The following CACNB3 variants were observed in gnomAD, a reference collection of about 807,000 sequenced individuals.
The protein encoded by CACNB3 is voltage-dependent L-type calcium channel subunit beta-3.
CACNB3 carries 36 observed loss-of-function variants against 63.7 expected under a neutral mutation model. The ratio of observed to expected loss-of-function variants is 0.57; its 90% confidence interval spans 0.43 to 0.75. The LOEUF is 0.75. Among genes scored for constraint, CACNB3 ranks in the 30% least tolerant of loss-of-function variants. The probability of loss-of-function intolerance (pLI) is 0.00; values close to 1 mark genes in which losing one functional copy is unlikely to be tolerated. For synonymous variants in CACNB3, 241 were observed against 250.6 expected (o/e 0.96, Z 0.36); for missense variants, 493 against 648.6 (o/e 0.76, Z 2.61).
intron 5 of CACNB3, 81 bp downstream of exon 5, chr12:48,824,814 T>C (rs532156232): frequency 6.5e-7 from 1 of 1,541,872 alleles, no homozygotes; most frequent in East Asian, 2.3e-5. Context: ...CCAAGTGAAC[T>C]GTGTGGGAAG....
chr12:48,823,870 G>A lies in CACNB3; in HGVS notation c.291+67G>A. The A allele has an allele frequency of 1.3e-6, 2 of 1,599,620 alleles. No homozygotes were observed. The highest frequency in any genetic ancestry group is 3.4e-5 in the Admixed American group (2 of 58,918). On this transcript the variant is annotated intron_variant, in intron 3 of 12. Coordinates refer to ENST00000301050, the MANE Select transcript of CACNB3 (RefSeq NM_000725.4). This position sits in a 1 kb window ranked among gnomAD's most constrained non-coding sequence, Gnocchi z 4.2. ...TCTTGCTCTTGCTCCAGATCCTAATGCTTCTGACTTGAATCCTCAGTCTAA... is the reference window on the plus strand; with the variant it reads ...TCTTGCTCTTGCTCCAGATCCTAATACTTCTGACTTGAATCCTCAGTCTAA...
At chr12:48,824,994 G>C in intron 6 of CACNB3, 26 bp downstream of exon 6, 1 of 1,605,180 alleles carries the variant, frequency 6.2e-7, no homozygotes, top group Non-Finnish European at 8.5e-7. Context: ...GACCTGGGCT[G>C]GGGGGATCAT....
At chr12:48,827,290 G>T (rs988432518) in intron 12 of CACNB3, among the ~76,000 whole-genome samples, 167 bp downstream of exon 12, 1 of 152,232 alleles carries the variant, frequency 6.6e-6, no homozygotes, top group Non-Finnish European at 1.5e-5. Context: ...ACTTCCTGAG[G>T]AGAGAGGGAA....
In CACNB3 at chr12:48,818,844, TCCCGGGCGCGG is replaced by T; in HGVS notation, c.-81_-71del. 1 of 1,428,030 alleles carries T rather than the reference TCCCGGGCGCGG, an allele frequency of 7.0e-7. No individual in the cohort carries two copies. The highest frequency in any genetic ancestry group is 9.2e-7 in the Non-Finnish European group (1 of 1,092,234). 88.5% of individuals were successfully genotyped at this position (1,428,030 alleles called of 1,614,324 possible). A position where few individuals can be genotyped will look rare whatever the true frequency, so the allele number is the denominator to read the frequency against. On this transcript the variant is annotated 5_prime_UTR_variant, in exon 1 of 13. Coordinates refer to ENST00000301050, the MANE Select transcript of CACNB3 (RefSeq NM_000725.4). The surrounding 1 kb of genome is among the most constrained non-coding windows in gnomAD (Gnocchi z 4.3). ...CAGGGCTGCGGGGCTCGGTGGCATC[TCCCGGGCGCGG>T]CCCGCAGTCCTTGCCCCTGCCTCCG...
chr12:48,825,387 T>C lies in CACNB3; in HGVS notation c.574-47T>C, dbSNP rs754657113. The C allele has an allele frequency of 3.7e-6, 6 of 1,607,582 alleles. No homozygotes were observed. In the African/African-American group the frequency reaches 6.7e-5, roughly 18 times the overall value. On this transcript the variant is annotated intron_variant, in intron 7 of 12. Transcript: ENST00000301050. The surrounding 1 kb of genome is among the most constrained non-coding windows in gnomAD (Gnocchi z 4.5). ...ACTCTGGGGCCATGCATGGGGAGGC[T>C]GCTTCTCTCCAAAGGGGCCCTTCAT...
intron 1 of CACNB3, chr12:48,819,852 A>G: frequency 3.0e-6 from 1 of 335,900 alleles, no homozygotes; most frequent in Non-Finnish European, 6.1e-6. Context: ...CCCGGAGCTC[A>G]GACAGCAGGG....
Position 48,828,871 on chromosome 12 carries a change from G to A in CACNB3, c.*972G>A, listed in dbSNP as rs1372898671. On this transcript the variant is annotated 3_prime_UTR_variant, in exon 13 of 13. Coordinates refer to ENST00000301050, the MANE Select transcript of CACNB3 (RefSeq NM_000725.4). ...CTCTTGCCTTATGGCTCTAGTGTGT[G>A]ACCTACAGAGCATGCTCCACAAGCC... 1 of 418,988 alleles carries A rather than the reference G, an allele frequency of 2.4e-6. No homozygotes were observed. Among genetic ancestry groups the A allele is most frequent in the Admixed American group, 2.6e-5 (1 of 37,996 alleles). 26.0% of individuals were successfully genotyped at this position (418,988 alleles called of 1,614,324 possible).
rs112811362 is a variant in CACNB3 at position 48,828,897 on chromosome 12, C to T, written c.*998C>T. On this transcript the variant is annotated 3_prime_UTR_variant, in exon 13 of 13. Coordinates refer to ENST00000301050, the MANE Select transcript of CACNB3 (RefSeq NM_000725.4). ...ACCTACAGAGCATGCTCCACAAGCCCCTGCCTCACCTCACTGTCATCACTA... is the reference window on the plus strand; with the variant it reads ...ACCTACAGAGCATGCTCCACAAGCCTCTGCCTCACCTCACTGTCATCACTA... 7.8e-4 allele frequency: 297 copies of T among 382,404 alleles called. 3 individuals carry two copies. Among genetic ancestry groups the T allele is most frequent in the African/African-American group, 4.5e-3 (216 of 47,650 alleles). The allele number at this position is 382,404 out of a possible 1,614,324, so 23.7% of individuals were successfully genotyped here. A position where few individuals can be genotyped will look rare whatever the true frequency, so the allele number is the denominator to read the frequency against.
chr12:48,819,687 T>C (rs1937749089), intron 1 of CACNB3: 1 of 455,658 alleles, frequency 2.2e-6, no homozygotes, highest in Non-Finnish European at 4.4e-6. Flanking sequence ...TTGCCCAGCA[T>C]GGAGGGCCTG....
In CACNB3 at chr12:48,825,306, G is replaced by T. The variant is rs1592190914; in HGVS notation, c.573+63G>T. 6.3e-7 allele frequency: 1 copy of T among 1,584,356 alleles called. No individual in the cohort carries two copies. Among genetic ancestry groups the T allele is most frequent in the South Asian group, 1.1e-5 (1 of 90,152 alleles). The stretch of plus-strand genomic sequence containing the variant: ...CCAAGCCTGCCACAGGAAGTCCCTA[G>T]GGAAAGTGGAAGGGGTGTGTCTCCT... On this transcript the variant is annotated intron_variant, in intron 7 of 12. Transcript: ENST00000301050. This position sits in a 1 kb window ranked among gnomAD's most constrained non-coding sequence, Gnocchi z 4.5.
Position 48,818,636 on chromosome 12 carries a change from A to C in CACNB3, c.-294A>C. 2.5e-5 allele frequency: 26 copies of C among 1,055,960 alleles called. No homozygotes were observed. In the Admixed American group the frequency reaches 2.6e-4, roughly 11 times the overall value. 65.4% of individuals were successfully genotyped at this position (1,055,960 alleles called of 1,614,324 possible). ...TCGCCGCCCCCGCCTTCTCCCGGGG[A>C]GGGGGTCAGGTGGGCGGGCACTATT... On this transcript the variant is annotated 5_prime_UTR_variant, in exon 1 of 13. Coordinates refer to ENST00000301050, the MANE Select transcript of CACNB3 (RefSeq NM_000725.4). This position sits in a 1 kb window ranked among gnomAD's most constrained non-coding sequence, Gnocchi z 4.3.
intron 1 of CACNB3, chr12:48,821,257 C>A (rs1464772823): frequency 6.6e-6 from 1 of 151,802 alleles, no homozygotes; most frequent in East Asian, 1.9e-4. Context: ...CTTTGGGAGG[C>A]TAAGGTAGGA....
intron 1 of CACNB3, 117 bp downstream of exon 1, chr12:48,819,091 AG>A (rs68162448): frequency 0.15 from 159,240 of 1,065,220 alleles, 14,640 homozygotes; most frequent in South Asian, 0.17. Context: ...CAGGGTTTGT[AG>A]GGGGGCGCTC....
intron 1 of CACNB3, among the ~76,000 whole-genome samples, chr12:48,819,182 CAG>C (rs1937710234): frequency 6.6e-6 from 1 of 151,844 alleles, no homozygotes; most frequent in Admixed American, 6.6e-5. Context: ...CGGGTGTGTG[CAG>C]AGAGGGGGCA....
rs1199025697 is a variant in CACNB3, at chr12:48,828,630, G to A, written c.*731G>A. 12 of 455,692 alleles carry A rather than the reference G, an allele frequency of 2.6e-5. No homozygotes were observed. The East Asian group carries it at 6.9e-4, about 26-fold the overall frequency. 28.2% of individuals were successfully genotyped at this position (455,692 alleles called of 1,614,324 possible). On this transcript the variant is annotated 3_prime_UTR_variant, in exon 13 of 13. Coordinates refer to ENST00000301050, the MANE Select transcript of CACNB3 (RefSeq NM_000725.4). The stretch of plus-strand genomic sequence containing the variant: ...GGCAGATGGGAGCCAACCTGGATGG[G>A]GGTTTGGGGAAGGAGGGCATGTGTA...
chr12:48,825,216 G>A lies in CACNB3; in HGVS notation c.546G>A (p.Leu182=), dbSNP rs1938064883. The change falls in exon 7 of 13, where the codon CTG becomes CTA. Residue 182 remains leucine (L), a synonymous_variant. Transcript: ENST00000301050. The surrounding 1 kb of genome is among the most constrained non-coding windows in gnomAD (Gnocchi z 4.5). ...TGCCCTCCATGCGGCCTGTGGTGCT[G>A]GTGGGACCCTCTCTGAAAGGTTATG... ...DVVPSMRPVV[L]VGPSLKGYEV... is the part of the protein sequence containing the mutation. The A allele has an allele frequency of 2.5e-6, 4 of 1,613,968 alleles. No individual in the cohort carries two copies. Among genetic ancestry groups the A allele is most frequent in the Non-Finnish European group, 3.4e-6 (4 of 1,180,018 alleles).
rs1470047702 is a variant in CACNB3, at chr12:48,823,857, T to C, written c.291+54T>C. 6.2e-7 allele frequency: 1 copy of C among 1,609,984 alleles called. No individual in the cohort carries two copies. Among genetic ancestry groups the C allele is most frequent in the Non-Finnish European group, 8.5e-7 (1 of 1,177,772 alleles). Reference sequence around the variant, plus strand: ...TCTAACTTCATTTTCTTGCTCTTGCTCCAGATCCTAATGCTTCTGACTTGA... The same window carrying C: ...TCTAACTTCATTTTCTTGCTCTTGCCCCAGATCCTAATGCTTCTGACTTGA... On this transcript the variant is annotated intron_variant, in intron 3 of 12. Transcript: ENST00000301050. This position sits in a 1 kb window ranked among gnomAD's most constrained non-coding sequence, Gnocchi z 4.2.
rs145345389 is a variant in CACNB3 at position 48,823,408 on chromosome 12, G to A, written c.110G>A (p.Arg37Gln). Residue 37 changes from arginine to glutamine, a missense_variant, in exon 2 of 13, where the codon CGG (arginine) becomes CAG (glutamine). Physicochemically the swap from Arg to Gln is conservative, Grantham distance 43 (BLOSUM62 1). Transcript: ENST00000301050. This position sits in a 1 kb window ranked among gnomAD's most constrained non-coding sequence, Gnocchi z 4.2. Reference sequence around the variant, plus strand: ...TCAGACGTCTCCCTGGAGGAGGACCGGGAGAGTGCCCGGCGTGAAGTAGAG... The same window carrying A: ...TCAGACGTCTCCCTGGAGGAGGACCAGGAGAGTGCCCGGCGTGAAGTAGAG... ...LDSDVSLEED[R>Q]ESARREVESQ... 113 of 1,614,036 alleles carry A rather than the reference G, an allele frequency of 7.0e-5. No homozygotes were observed. Among genetic ancestry groups the A allele is most frequent in the Middle Eastern group, 1.6e-4 (1 of 6,082 alleles).
Position 48,823,578 on chromosome 12 carries a change from G to C in CACNB3, c.169-103G>C. 6.2e-7 allele frequency: 1 copy of C among 1,600,440 alleles called. No homozygotes were observed. Among genetic ancestry groups the C allele is most frequent in the Non-Finnish European group, 8.5e-7 (1 of 1,172,240 alleles). On this transcript the variant is annotated intron_variant, in intron 2 of 12. Coordinates refer to ENST00000301050, the MANE Select transcript of CACNB3 (RefSeq NM_000725.4). The surrounding 1 kb of genome is among the most constrained non-coding windows in gnomAD (Gnocchi z 4.2). Reference sequence around the variant, plus strand: ...AGGATGTCCTTGAGTGTGAGAGGGTGTGTGTGATGGGCAGAGGCCACGGCC... The same window carrying C: ...AGGATGTCCTTGAGTGTGAGAGGGTCTGTGTGATGGGCAGAGGCCACGGCC...
Sources: allele counts gnomAD v4.1 joint callset (sites outside exome capture counted in the v4.1 genomes callset), GRCh38; gene constraint gnomAD v4.1.1; non-coding constraint Gnocchi (gnomAD v3.1); transcripts MANE v1.5; gene names NCBI Gene and HGNC (gene_info 2026-07-23, HGNC 2026-07-21).